The following CMC1 variants were observed in gnomAD, a reference collection of about 807,000 sequenced individuals.
The protein encoded by CMC1 is COX assembly mitochondrial protein homolog.
CMC1 carries 14 observed loss-of-function variants against 14.1 expected under a neutral mutation model. The ratio of observed to expected loss-of-function variants is 0.99; its 90% CI spans 0.66 to 1.55. The LOEUF is 1.55. CMC1 is among the 40% of genes most tolerant of loss of function. The pLI is 0.00. For synonymous variants in CMC1, 50 were observed against 38.4 expected (o/e 1.30, Z -1.12); for missense variants, 127 against 123.8 (o/e 1.03, Z -0.12).
chr3:28,315,594 C>T (rs376463746), intron 2 of CMC1, among the ~76,000 whole-genome samples: 8 of 152,234 alleles, frequency 5.3e-5, no homozygotes, highest in African/African-American at 1.7e-4. Flanking sequence ...GAAACAATTC[C>T]CTTTCAAAGG....
chr3:28,270,763 C>T (rs1317729558), intron 2 of CMC1, among the ~76,000 whole-genome samples: 2 of 151,942 alleles, frequency 1.3e-5, no homozygotes, highest in Non-Finnish European at 2.9e-5. Context: ...TAACTAGATC[C>T]CATTTGTCAA....
Position 28,241,671 on chromosome 3 carries a change from T to G in CMC1, c.-123T>G, listed in dbSNP as rs776075890. 14 of 1,234,462 alleles carry G rather than the reference T, an allele frequency of 1.1e-5. No individual in the cohort carries two copies. The highest frequency in any genetic ancestry group is 1.4e-5 in the Non-Finnish European group (14 of 987,716). The allele number at this position is 1,234,462 out of a possible 1,614,324, so 76.5% of individuals were successfully genotyped here. On this transcript the variant is annotated 5_prime_UTR_variant, in exon 1 of 4. Coordinates refer to ENST00000466830, the MANE Select transcript of CMC1 (RefSeq NM_182523.2). ...CTGGCGGTGCTTTGCAAAGGGCCCG[T>G]GTTTCTGTTGCGGGAAGCTCCCGGG...
At chr3:28,249,457 A>T (rs1473290932) in intron 1 of CMC1, among the ~76,000 whole-genome samples, 1 of 152,214 alleles carries the variant, frequency 6.6e-6, no homozygotes, top group Non-Finnish European at 1.5e-5. Context: ...ACCATATGCT[A>T]GGAGTTAGAG....
chr3:28,259,968 T>C (rs1406556136), intron 1 of CMC1, among the ~76,000 whole-genome samples: 2 of 152,188 alleles, frequency 1.3e-5, no homozygotes, highest in African/African-American at 2.4e-5. Context: ...TTTTTGTAGA[T>C]GCCCTTCATT....
chr3:28,300,645 C>CTCCCTCCCTT (rs1553620153), intron 2 of CMC1, among the ~76,000 whole-genome samples: 96 of 42,966 alleles, frequency 2.2e-3, no homozygotes, highest in Middle Eastern at 0.033. Flanking sequence ...CTTTCCCTCC[C>CTCCCTCCCTT]TCCATCCCTT....
In CMC1 at chr3:28,279,785, C is replaced by T. The variant is rs565734304; in HGVS notation, c.109+16405C>T. On this transcript the variant is annotated intron_variant, in intron 2 of 3. Coordinates refer to ENST00000466830, the MANE Select transcript of CMC1 (RefSeq NM_182523.2). ...ATTTAAAAAATGAGCAAAACCCTTACGGACTTGTAGGACAATAACATAAGG... is the reference window on the plus strand; with the variant it reads ...ATTTAAAAAATGAGCAAAACCCTTATGGACTTGTAGGACAATAACATAAGG... Among the ~76,000 whole-genome samples the T allele has an allele frequency of 5.3e-5, 8 of 152,194 alleles. No individual in the cohort carries two copies. In the East Asian group the frequency reaches 1.2e-3, roughly 22 times the overall value.
intron 2 of CMC1, among the ~76,000 whole-genome samples, chr3:28,307,267 C>G (rs1195922329): frequency 3.3e-5 from 5 of 152,030 alleles, no homozygotes; most frequent in Non-Finnish European, 7.4e-5. Flanking sequence ...CCTTTTTGTC[C>G]TTAAAAATGT....
intron 2 of CMC1, among the ~76,000 whole-genome samples, chr3:28,271,717 T>C (rs1025911104): frequency 3.3e-5 from 5 of 152,176 alleles, no homozygotes; most frequent in African/African-American, 1.2e-4. Context: ...TCAAAATAGT[T>C]TGTTCTAATT....
At chr3:28,291,787 G>C (rs1249720693) in intron 2 of CMC1, 1 of 152,220 alleles carries the variant, frequency 6.6e-6, no homozygotes, top group East Asian at 1.9e-4. Context: ...GCCTGAGGGA[G>C]GGGGAGAGGG....
chr3:28,306,759 C>T (rs1419865858), intron 2 of CMC1, among the ~76,000 whole-genome samples: 2 of 151,958 alleles, frequency 1.3e-5, no homozygotes, highest in Non-Finnish European at 2.9e-5. Context: ...ATTCTCCTGC[C>T]TCAGCCTCCT....
chr3:28,247,448 G>A (rs1698883292), intron 1 of CMC1, among the ~76,000 whole-genome samples: 1 of 152,156 alleles, frequency 6.6e-6, no homozygotes, highest in Non-Finnish European at 1.5e-5. Context: ...AGTTTATTGT[G>A]CCTTGGAGGC....
At position 28,243,670 on chromosome 3, in the gene CMC1, C is replaced by T. The variant is rs193103111; in HGVS notation, c.19+1858C>T. Among the ~76,000 whole-genome samples the T allele has an allele frequency of 5.3e-5, 8 of 152,302 alleles. No individual in the cohort carries two copies. In the East Asian group the frequency reaches 1.5e-3, roughly 29 times the overall value. ...TGCCACCTTTTGAGTATTGATTAAA[C>T]AAAGACTTGTTGAGTGTCTGGTATA... On this transcript the variant is annotated intron_variant, in intron 1 of 3. Coordinates refer to ENST00000466830, the MANE Select transcript of CMC1 (RefSeq NM_182523.2).
chr3:28,312,587 T>A (rs1385869558), intron 2 of CMC1, among the ~76,000 whole-genome samples: 1 of 152,170 alleles, frequency 6.6e-6, no homozygotes, highest in Non-Finnish European at 1.5e-5. Flanking sequence ...TATTTAAGTA[T>A]TAAAGTATAT....
chr3:28,268,819 C>T (rs976157960), intron 2 of CMC1, among the ~76,000 whole-genome samples: 9 of 152,164 alleles, frequency 5.9e-5, no homozygotes, highest in African/African-American at 2.2e-4. Context: ...AGGCTTATAT[C>T]AATCATAAAT....
chr3:28,307,025 T>A (rs1249361008), intron 2 of CMC1, among the ~76,000 whole-genome samples: 1 of 152,202 alleles, frequency 6.6e-6, no homozygotes, highest in Admixed American at 6.5e-5. Context: ...CTCCATAGTT[T>A]TAAAACATTT....
intron 2 of CMC1, among the ~76,000 whole-genome samples, chr3:28,279,719 T>C (rs1343860343): frequency 1.4e-5 from 2 of 143,450 alleles, no homozygotes; most frequent in East Asian, 4.0e-4. Context: ...AACCTAAAGA[T>C]AGATCAAGGA....
intron 2 of CMC1, among the ~76,000 whole-genome samples, chr3:28,304,652 T>A (rs1702219196): frequency 6.6e-6 from 1 of 152,188 alleles, no homozygotes; most frequent in Non-Finnish European, 1.5e-5. Context: ...GATAGTCATC[T>A]GATGGATACA....
rs150968823 is a variant in CMC1, at chr3:28,278,510, A to G, written c.109+15130A>G. Among the ~76,000 whole-genome samples the G allele has an allele frequency of 7.4e-3, 1,122 of 152,328 alleles. 13 individuals carry two copies. Among genetic ancestry groups the G allele is most frequent in the African/African-American group, 0.023 (947 of 41,572 alleles). ...TTTCTGTTAGTGAACTATCAGTAAC[A>G]TGTTCAACTTGGATAGTGATAGATT... is the stretch of plus-strand genomic sequence containing the variant. On this transcript the variant is annotated intron_variant, in intron 2 of 3. Transcript: ENST00000466830.
At chr3:28,273,837 C>T (rs1181194333) in intron 2 of CMC1, among the ~76,000 whole-genome samples, 1 of 152,138 alleles carries the variant, frequency 6.6e-6, no homozygotes, top group Non-Finnish European at 1.5e-5. Flanking sequence ...TTGAATGGAT[C>T]CCTGTACCAT....
Sources: gnomAD v4.1 joint callset for allele counts (sites outside exome capture counted in the v4.1 genomes callset) on GRCh38, gnomAD v4.1.1 for gene constraint, MANE v1.5 for transcripts, NCBI Gene and HGNC (gene_info 2026-07-23, HGNC 2026-07-21) for gene names.